Variants in CSGALNACT1 observed in about 807,000 individuals in gnomAD.
CSGALNACT1 encodes beta4GalNAcT-1.
A neutral mutation model predicts 51.0 loss-of-function variants in CSGALNACT1; 52 were observed. That is an observed-to-expected ratio of 1.02 (90% confidence interval 0.82 to 1.29). The LOEUF is 1.29. Ranked by LOEUF, CSGALNACT1 falls within the 50% of genes most tolerant of loss-of-function variation. CSGALNACT1 has a pLI of 0.00. For synonymous variants in CSGALNACT1, 341 were observed against 254.4 expected (o/e 1.34, Z -3.24); for missense variants, 935 against 679.2 (o/e 1.38, Z -4.19).
At chr8:19,419,434 C>A (rs1329146364) in intron 7 of CSGALNACT1, among the ~76,000 whole-genome samples, 2 of 152,146 alleles carry the variant, frequency 1.3e-5, no homozygotes, top group Admixed American at 6.5e-5. Flanking sequence ...GGCAGTTGGA[C>A]TAGACTTAGA....
chr8:19,580,537 G>C (rs904968233), intron 3 of CSGALNACT1, among the ~76,000 whole-genome samples: 17 of 152,156 alleles, frequency 1.1e-4, no homozygotes, highest in Admixed American at 3.9e-4. Context: ...TAGATGAATA[G>C]CTTTATCCTA....
At chr8:19,482,051 T>C (rs374588091) in intron 4 of CSGALNACT1, among the ~76,000 whole-genome samples, 10 of 152,142 alleles carry the variant, frequency 6.6e-5, no homozygotes, top group Non-Finnish European at 1.0e-4. Context: ...AAATCGCTCA[T>C]GACTCCGATT....
intron 1 of CSGALNACT1, among the ~76,000 whole-genome samples, chr8:19,616,892 C>A (rs1476832202): frequency 6.6e-6 from 1 of 152,154 alleles, no homozygotes; most frequent in Non-Finnish European, 1.5e-5. Flanking sequence ...AGACACTTTT[C>A]CCACGGGGGT....
intron 5 of CSGALNACT1, among the ~76,000 whole-genome samples, chr8:19,453,513 A>C (rs1233382943): frequency 6.6e-6 from 1 of 152,252 alleles, no homozygotes; most frequent in African/African-American, 2.4e-5. Context: ...CAGAGAATCC[A>C]ATAAATGAAG....
chr8:19,467,473 G>A (rs1001686754), intron 4 of CSGALNACT1, among the ~76,000 whole-genome samples: 2 of 151,972 alleles, frequency 1.3e-5, no homozygotes, highest in Non-Finnish European at 2.9e-5. Context: ...GCAGAGAACT[G>A]CAATGTATTT....
At chr8:19,584,297 C>T (rs115989737) in intron 3 of CSGALNACT1, among the ~76,000 whole-genome samples, 7,617 of 152,244 alleles carry the variant, frequency 0.05, 633 homozygotes, top group African/African-American at 0.17. Context: ...GTTATTGGTA[C>T]TCTGTAATTA....
At chr8:19,572,898 T>G (rs917718453) in intron 3 of CSGALNACT1, among the ~76,000 whole-genome samples, 1 of 152,224 alleles carries the variant, frequency 6.6e-6, no homozygotes. Context: ...ATTGAGTACT[T>G]TCTCCAGAAA....
intron 3 of CSGALNACT1, among the ~76,000 whole-genome samples, chr8:19,526,935 G>A (rs1267334205): frequency 1.3e-5 from 2 of 152,134 alleles, no homozygotes; most frequent in Non-Finnish European, 1.5e-5. Flanking sequence ...CATTTACTCA[G>A]TACCTACGTT....
At chr8:19,685,027 C>G (rs755065561), upstream of CSGALNACT1, among the ~76,000 whole-genome samples, 3 of 152,124 alleles carry the variant, frequency 2.0e-5, no homozygotes, top group Non-Finnish European at 4.4e-5. Context: ...CATTAAATAA[C>G]TATACATTTG....
intron 3 of CSGALNACT1, among the ~76,000 whole-genome samples, chr8:19,560,896 C>G (rs1431452930): frequency 6.6e-6 from 1 of 152,124 alleles, no homozygotes; most frequent in Non-Finnish European, 1.5e-5. Flanking sequence ...TGTTAACAAC[C>G]CTAAGGTGGA....
chr8:19,406,164 T>G lies in CSGALNACT1; in HGVS notation c.1310-95A>C, dbSNP rs1585268113. On this transcript the variant is annotated intron_variant, in intron 9 of 9. Coordinates refer to ENST00000454498, the Ensembl canonical transcript of CSGALNACT1. ...CACAAACTTTTCATTAAGACATGAC[T>G]GGGGGGGATGCGTGCTTCACCACCA... The G allele has an allele frequency of 5.0e-6, 7 of 1,402,450 alleles. No individual in the cohort carries two copies. In the South Asian group the frequency reaches 8.1e-5, roughly 16 times the overall value. The allele number at this position is 1,402,450 out of a possible 1,614,324, so 86.9% of individuals were successfully genotyped here.
At chr8:19,629,195 C>T (rs529425900) in intron 1 of CSGALNACT1, among the ~76,000 whole-genome samples, 2 of 151,878 alleles carry the variant, frequency 1.3e-5, no homozygotes, top group Admixed American at 1.3e-4. Context: ...AGACTTAAAT[C>T]GAAAAAAACC....
chr8:19,421,769 A>T (rs2057980296), intron 6 of CSGALNACT1, among the ~76,000 whole-genome samples: 1 of 151,988 alleles, frequency 6.6e-6, no homozygotes, highest in Admixed American at 6.6e-5. Flanking sequence ...TCCCTCCTTG[A>T]CTCATCTTCT....
intron 1 of CSGALNACT1, among the ~76,000 whole-genome samples, chr8:19,726,279 G>T (rs1042727930): frequency 2.4e-4 from 36 of 151,878 alleles, no homozygotes; most frequent in Non-Finnish European, 4.3e-4. Context: ...TAGCCCTATG[G>T]TTCTAAAATG....
intron 4 of CSGALNACT1, among the ~76,000 whole-genome samples, chr8:19,460,101 A>G: frequency 6.9e-6 from 1 of 145,470 alleles, no homozygotes; most frequent in African/African-American, 2.8e-5. Flanking sequence ...GTCAGGAAAC[A>G]CACACACATA....
intron 6 of CSGALNACT1, among the ~76,000 whole-genome samples, chr8:19,422,701 T>G (rs1167911041): frequency 6.6e-6 from 1 of 152,222 alleles, no homozygotes; most frequent in Non-Finnish European, 1.5e-5. Flanking sequence ...TCCAAAGACA[T>G]TCAGATGGTG....
chr8:19,639,334 G>A (rs770879304), intron 1 of CSGALNACT1, among the ~76,000 whole-genome samples: 3 of 152,170 alleles, frequency 2.0e-5, no homozygotes, highest in Non-Finnish European at 4.4e-5. Flanking sequence ...GGGTCTGGGG[G>A]AAATATGCTA....
intron 1 of CSGALNACT1, among the ~76,000 whole-genome samples, chr8:19,721,347 A>G (rs1276218481): frequency 6.6e-6 from 1 of 152,234 alleles, no homozygotes; most frequent in Non-Finnish European, 1.5e-5. Flanking sequence ...GAAGGATTCT[A>G]ATCAACAAAG....
chr8:19,443,371 G>A (rs2061628892), intron 5 of CSGALNACT1, among the ~76,000 whole-genome samples: 1 of 152,156 alleles, frequency 6.6e-6, no homozygotes, highest in Admixed American at 6.5e-5. Context: ...ATGTACACAT[G>A]TGTACAGTTT....
Sources: allele counts gnomAD v4.1 joint callset (sites outside exome capture counted in the v4.1 genomes callset), GRCh38; gene constraint gnomAD v4.1.1; transcripts MANE v1.5; gene names NCBI Gene and HGNC (gene_info 2026-07-23, HGNC 2026-07-21).